The following NDUFA5 variants were observed in gnomAD, a reference collection of about 807,000 sequenced individuals.
NDUFA5 encodes NADH dehydrogenase [ubiquinone] 1 alpha subcomplex subunit 5.
In NDUFA5, 11 loss-of-function variants were observed where a neutral mutation model predicts 19.8. The ratio of observed to expected loss-of-function variants is 0.56; its 90% CI spans 0.35 to 0.92. The LOEUF is 0.92. Ranked by LOEUF, NDUFA5 falls within the 40% of genes least tolerant of loss-of-function variation. NDUFA5 has a pLI of 0.01. For synonymous variants in NDUFA5, 47 were observed against 46.8 expected (o/e 1.00, Z -0.01); for missense variants, 109 against 134.2 (o/e 0.81, Z 0.93).
intron 3 of NDUFA5, 120 bp from the exon 4 acceptor site, chr7:123,545,796 T>C: frequency 1.6e-6 from 1 of 643,488 alleles, no homozygotes; most frequent in Non-Finnish European, 2.6e-6. Context: ...TTCATCATAC[T>C]CTTTTTACTA....
chr7:123,594,424 C>T, the NDUFA5 span, among the ~76,000 whole-genome samples: 5 of 152,042 alleles, frequency 3.3e-5, no homozygotes, highest in Admixed American at 2.6e-4. Flanking sequence ...GTTTCATTTG[C>T]CTTTGGTCTT....
intron 2 of NDUFA5, 97 bp downstream of exon 2, chr7:123,557,307 G>C (rs1448216267): frequency 3.2e-6 from 5 of 1,559,698 alleles, no homozygotes; most frequent in Non-Finnish European, 4.4e-6. Flanking sequence ...TTAAGGGCTT[G>C]AAACATCTGT....
chr7:123,565,854 T>C, the NDUFA5 span, among the ~76,000 whole-genome samples: 1 of 152,008 alleles, frequency 6.6e-6, no homozygotes. Context: ...CCGTCTTTAC[T>C]AAAAATACAA....
At chr7:123,568,737 G>A in the NDUFA5 span, among the ~76,000 whole-genome samples, 1 of 151,858 alleles carries the variant, frequency 6.6e-6, no homozygotes, top group Non-Finnish European at 1.5e-5. Context: ...AAATAAATAT[G>A]CATTATTAAT....
rs755615800 is a variant in NDUFA5 at position 123,557,766 on chromosome 7, T to A, written c.21+9A>T. The A allele has an allele frequency of 6.2e-7, 1 of 1,613,474 alleles. No homozygotes were observed. Among genetic ancestry groups the A allele is most frequent in the South Asian group, 1.1e-5 (1 of 91,014 alleles). On this transcript the variant is annotated intron_variant, in intron 1 of 4. Transcript: ENST00000355749. The stretch of plus-strand genomic sequence containing the variant: ...TCTAAATTCCAACAGTGACCTCCAT[T>A]CGTCTCACCTTCTTCAGCACACCCG...
the NDUFA5 span, among the ~76,000 whole-genome samples, chr7:123,567,899 A>G: frequency 1.3e-5 from 2 of 152,014 alleles, no homozygotes; most frequent in African/African-American, 4.8e-5. Context: ...GATGTTATCC[A>G]TCTCTTGTGC....
chr7:123,593,063 G>A, the NDUFA5 span, among the ~76,000 whole-genome samples: 4 of 151,850 alleles, frequency 2.6e-5, no homozygotes, highest in African/African-American at 9.7e-5. Flanking sequence ...TTGGTTTAAA[G>A]TTTGTTTTAT....
chr7:123,572,920 T>C, the NDUFA5 span, among the ~76,000 whole-genome samples: 1 of 152,120 alleles, frequency 6.6e-6, no homozygotes, highest in South Asian at 2.1e-4. Context: ...TTTTCTCTTT[T>C]TTGTCTTTTT....
the NDUFA5 span, among the ~76,000 whole-genome samples, chr7:123,581,187 A>G: frequency 6.6e-6 from 1 of 151,952 alleles, no homozygotes; most frequent in Non-Finnish European, 1.5e-5. Flanking sequence ...TGCTCAGGGC[A>G]TGAACACCGT....
At chr7:123,601,176 G>A in the NDUFA5 span, among the ~76,000 whole-genome samples, 2 of 152,088 alleles carry the variant, frequency 1.3e-5, no homozygotes, top group East Asian at 3.8e-4. Flanking sequence ...TGGAAAATCA[G>A]TAAGACAATA....
the NDUFA5 span, among the ~76,000 whole-genome samples, chr7:123,574,444 A>G: frequency 6.6e-6 from 1 of 152,186 alleles, no homozygotes; most frequent in Non-Finnish European, 1.5e-5. Context: ...AGTTTGTGAT[A>G]CAGTAAGTCA....
chr7:123,580,612 T>C, the NDUFA5 span, among the ~76,000 whole-genome samples: 1 of 152,060 alleles, frequency 6.6e-6, no homozygotes. Flanking sequence ...ATGGCACCTT[T>C]GTGCAGTTTG....
chr7:123,586,930 T>C, the NDUFA5 span, among the ~76,000 whole-genome samples: 1 of 151,410 alleles, frequency 6.6e-6, no homozygotes, highest in Non-Finnish European at 1.5e-5. Context: ...TACTATATTG[T>C]CTTGTTTACT....
the NDUFA5 span, among the ~76,000 whole-genome samples, chr7:123,595,471 T>C: frequency 1.3e-5 from 2 of 152,264 alleles, no homozygotes; most frequent in Non-Finnish European, 2.9e-5. Context: ...CCTCTCAGAC[T>C]ATCCTTTCTG....
chr7:123,572,653 C>T, the NDUFA5 span, among the ~76,000 whole-genome samples: 2 of 150,666 alleles, frequency 1.3e-5, no homozygotes, highest in Admixed American at 6.6e-5. Flanking sequence ...GATATTATTA[C>T]CCCACGGTTT....
the NDUFA5 span, among the ~76,000 whole-genome samples, chr7:123,571,958 G>C: frequency 6.6e-6 from 1 of 151,636 alleles, no homozygotes; most frequent in African/African-American, 2.4e-5. Flanking sequence ...TTTTTATAGA[G>C]ATGGAGGTCT....
At position 123,538,232 on chromosome 7, in the gene NDUFA5, C is replaced by G. The variant is rs1209280006; in HGVS notation, c.*3887G>C. 1 of 152,164 alleles carries G rather than the reference C, an allele frequency of 6.6e-6. No homozygotes were observed. The highest frequency in any genetic ancestry group is 1.5e-5 in the Non-Finnish European group (1 of 68,028). The allele number at this position is 152,164 out of a possible 1,614,324, so 9.4% of individuals were successfully genotyped here. On this transcript the variant is annotated 3_prime_UTR_variant, in exon 5 of 5. Transcript: ENST00000355749. ...CTATGAGCACTCCTTGCCAACCCTC[C>G]TTAGACATGCAGTATGAATAAAAAA...
rs143213043 is a variant in NDUFA5 at position 123,542,218 on chromosome 7, A to G, written c.252T>C (p.Ala84=). The G allele has an allele frequency of 1.2e-5, 20 of 1,608,298 alleles. No individual in the cohort carries two copies. The highest frequency in any genetic ancestry group is 3.4e-5 in the Admixed American group (2 of 58,860). The change falls in exon 5 of 5, where the codon GCT becomes GCC. Residue 84 remains alanine, a splice_region_variant and synonymous_variant. Coordinates refer to ENST00000355749, the MANE Select transcript of NDUFA5 (RefSeq NM_005000.5). ...GGQLEEVILQ[A]EHELNLARKM... ...TTCTTGCCAGATTTAGTTCATGTTCAGCCTGTTAATACAAATTTTTTAAAA... is the reference window on the plus strand; with the variant it reads ...TTCTTGCCAGATTTAGTTCATGTTCGGCCTGTTAATACAAATTTTTTAAAA...
At chr7:123,571,995 C>G in the NDUFA5 span, among the ~76,000 whole-genome samples, 1 of 151,870 alleles carries the variant, frequency 6.6e-6, no homozygotes, top group Non-Finnish European at 1.5e-5. Flanking sequence ...GGGATCTTGC[C>G]CAGGCTAGTC....
Sources: allele counts gnomAD v4.1 joint callset (sites outside exome capture counted in the v4.1 genomes callset), GRCh38; gene constraint gnomAD v4.1.1; transcripts MANE v1.5; gene names NCBI Gene and HGNC (gene_info 2026-07-23, HGNC 2026-07-21).